Variants in DHRS7B observed in about 807,000 individuals in gnomAD.
DHRS7B encodes peroxisomal reductase activating PPAR-gamma.
DHRS7B carries 24 observed loss-of-function variants against 26.4 expected under a neutral mutation model. That is an observed-to-expected ratio of 0.91 (90% CI 0.66 to 1.28). DHRS7B has a LOEUF of 1.28. DHRS7B is among the 50% of genes most tolerant of loss of function. The pLI is 0.00. For synonymous variants in DHRS7B, 142 were observed against 166.4 expected (o/e 0.85, Z 1.13); for missense variants, 368 against 419.4 (o/e 0.88, Z 1.07).
At chr17:21,163,889 A>G (rs1172211155) in intron 1 of DHRS7B, among the ~76,000 whole-genome samples, 3 of 151,960 alleles carry the variant, frequency 2.0e-5, no homozygotes, top group African/African-American at 7.3e-5. Context: ...GGGTTTTACC[A>G]TGTTGCCCAG....
chr17:21,184,554 T>G (rs1974588566), intron 5 of DHRS7B, 91 bp downstream of exon 5: 4 of 1,314,600 alleles, frequency 3.0e-6, no homozygotes, highest in Non-Finnish European at 4.3e-6. Context: ...ATTTAGACAT[T>G]GTAGAAATAA....
At chr17:21,183,548 G>A in intron 3 of DHRS7B, 46 bp from the exon 4 acceptor site, 1 of 1,572,484 alleles carries the variant, frequency 6.4e-7, no homozygotes, top group South Asian at 1.1e-5. Flanking sequence ...TAGCTCAGAT[G>A]GCCTGCCACT....
intron 1 of DHRS7B, among the ~76,000 whole-genome samples, chr17:21,155,619 A>G (rs555810438): frequency 4.8e-4 from 73 of 152,352 alleles, no homozygotes; most frequent in African/African-American, 1.4e-3. Flanking sequence ...ACAGCGGTCA[A>G]TTGGATATAG....
chr17:21,190,837 C>T (rs769389589), intron 6 of DHRS7B, 111 bp from the exon 7 acceptor site: 1 of 1,094,278 alleles, frequency 9.1e-7, no homozygotes, highest in Non-Finnish European at 1.3e-6. Flanking sequence ...CTGGGAAGAG[C>T]TTCATGGTGG....
intron 1 of DHRS7B, among the ~76,000 whole-genome samples, chr17:21,135,477 G>A (rs1597730059): frequency 6.6e-6 from 1 of 152,136 alleles, no homozygotes; most frequent in Admixed American, 6.5e-5. Context: ...AGGATCACAG[G>A]TCTTTGTAAA....
intron 1 of DHRS7B, among the ~76,000 whole-genome samples, chr17:21,168,145 C>T (rs553038002): frequency 6.6e-6 from 1 of 152,280 alleles, no homozygotes; most frequent in South Asian, 2.1e-4. Context: ...CCAAGAAGGC[C>T]CAGCAGTGTG....
At chr17:21,166,288 T>G in intron 1 of DHRS7B, 1 of 985,440 alleles carries the variant, frequency 1.0e-6, no homozygotes, top group Non-Finnish European at 1.2e-6. Context: ...CAGCCTGTAC[T>G]CTTTTAAACC....
chr17:21,175,364 A>C (rs1974352385), intron 2 of DHRS7B, among the ~76,000 whole-genome samples: 1 of 152,162 alleles, frequency 6.6e-6, no homozygotes, highest in East Asian at 1.9e-4. Context: ...TTTCCTTCCC[A>C]GCTGAGGAGA....
intron 1 of DHRS7B, among the ~76,000 whole-genome samples, chr17:21,158,759 G>A (rs1368163685): frequency 6.6e-6 from 1 of 152,096 alleles, no homozygotes; most frequent in Non-Finnish European, 1.5e-5. Flanking sequence ...GGAGAAACAA[G>A]TTAGAGGACT....
intron 2 of DHRS7B, among the ~76,000 whole-genome samples, chr17:21,175,504 T>C (rs1823140265): frequency 6.6e-6 from 1 of 152,210 alleles, no homozygotes; most frequent in Non-Finnish European, 1.5e-5. Flanking sequence ...CACCTGGGCC[T>C]CTAAGATTCG....
intron 1 of DHRS7B, among the ~76,000 whole-genome samples, chr17:21,129,771 A>G (rs1973190644): frequency 6.6e-6 from 1 of 151,788 alleles, no homozygotes; most frequent in Non-Finnish European, 1.5e-5. Flanking sequence ...TGTATTATGG[A>G]TAATATGCTA....
chr17:21,177,505 G>A (rs571813245), intron 2 of DHRS7B, among the ~76,000 whole-genome samples: 1 of 152,346 alleles, frequency 6.6e-6, no homozygotes, highest in East Asian at 1.9e-4. Context: ...TGGGCTTGGT[G>A]GAGCCTGCTT....
chr17:21,151,014 A>T (rs1973757505), intron 1 of DHRS7B, among the ~76,000 whole-genome samples: 1 of 152,222 alleles, frequency 6.6e-6, no homozygotes, highest in Non-Finnish European at 1.5e-5. Context: ...AGTAGGACAG[A>T]CACAAAGAGA....
At chr17:21,181,836 A>T (rs1430262606) in intron 3 of DHRS7B, among the ~76,000 whole-genome samples, 4 of 151,764 alleles carry the variant, frequency 2.6e-5, no homozygotes, top group Non-Finnish European at 5.9e-5. Flanking sequence ...ATTAACTCTT[A>T]TTAGCTTTTT....
chr17:21,139,674 CAA>C (rs777472260), intron 1 of DHRS7B, among the ~76,000 whole-genome samples: 1 of 132,026 alleles, frequency 7.6e-6, no homozygotes, highest in Admixed American at 7.7e-5. Context: ...GACTCCATCT[CAA>C]AAAAAAAAAA....
At chr17:21,171,844 A>T (rs1974254274) in intron 1 of DHRS7B, 174 bp from the exon 2 acceptor site, 4 of 788,420 alleles carry the variant, frequency 5.1e-6, no homozygotes, top group Non-Finnish European at 8.8e-6. Flanking sequence ...AGAAAGTTCT[A>T]CAATGCTGAA....
rs114924957 is a variant in DHRS7B, at chr17:21,168,114, G to A, written c.21-3904G>A. On this transcript the variant is annotated intron_variant, in intron 1 of 6. Transcript: ENST00000395511. The stretch of plus-strand genomic sequence containing the variant: ...TCCAAAGACAAGCTAGGAAAGTGTT[G>A]GCACAGCTGTCTCTAAGAACCCAAG... Among the ~76,000 whole-genome samples, 1,010 of 152,274 alleles carry A rather than the reference G, an allele frequency of 6.6e-3. 10 individuals are homozygous for A. The highest frequency in any genetic ancestry group is 0.022 in the African/African-American group (898 of 41,544).
chr17:21,129,662 A>G (rs1973183966), intron 1 of DHRS7B, among the ~76,000 whole-genome samples: 1 of 149,592 alleles, frequency 6.7e-6, no homozygotes, highest in African/African-American at 2.5e-5. Flanking sequence ...CTGTGATAAT[A>G]CTACGGCACT....
intron 1 of DHRS7B, among the ~76,000 whole-genome samples, chr17:21,138,263 C>G (rs1973411637): frequency 1.7e-5 from 2 of 116,622 alleles, no homozygotes; most frequent in Admixed American, 2.1e-4. Context: ...GTTGCCTACA[C>G]TGGAGTGCAG....
Sources: gnomAD v4.1 joint callset for allele counts (sites outside exome capture counted in the v4.1 genomes callset) on GRCh38, gnomAD v4.1.1 for gene constraint, MANE v1.5 for transcripts, NCBI Gene and HGNC (gene_info 2026-07-23, HGNC 2026-07-21) for gene names.